The following TACR1 variants were observed in gnomAD, a reference collection of about 807,000 sequenced individuals.
TACR1 encodes tachykinin receptor 1, also known as substance-P receptor.
A neutral mutation model predicts 35.8 loss-of-function variants in TACR1; 25 were observed. That is an observed-to-expected ratio of 0.70 (90% CI 0.51 to 0.98). The LOEUF (loss-of-function observed/expected upper bound fraction) is 0.98. TACR1 is among the 50% of genes least tolerant of loss of function. The pLI is 0.00. For synonymous variants in TACR1, 195 were observed against 206.7 expected, an observed-to-expected ratio of 0.94 and a Z score of 0.48; for missense variants, 478 against 522.9, an observed-to-expected ratio of 0.91 and a Z score of 0.84.
intron 2 of TACR1, among the ~76,000 whole-genome samples, chr2:75,112,023 G>A (rs1188282918): frequency 6.6e-6 from 1 of 151,942 alleles, no homozygotes; most frequent in Non-Finnish European, 1.5e-5. Context: ...TGTGGGCAGC[G>A]GTAGTATAGA....
At chr2:75,055,269 C>T (rs1672547215) in intron 2 of TACR1, among the ~76,000 whole-genome samples, 1 of 152,244 alleles carries the variant, frequency 6.6e-6, no homozygotes, top group Admixed American at 6.5e-5. Context: ...CTCTGCATAT[C>T]AAATTTGCAT....
intron 2 of TACR1, among the ~76,000 whole-genome samples, chr2:75,119,753 A>G (rs934726702): frequency 2.0e-5 from 3 of 152,140 alleles, no homozygotes; most frequent in Non-Finnish European, 2.9e-5. Context: ...TTTCACCTGC[A>G]CATATTCTAT....
At chr2:75,112,342 G>GT (rs1182893390) in intron 2 of TACR1, among the ~76,000 whole-genome samples, 1 of 151,816 alleles carries the variant, frequency 6.6e-6, no homozygotes, top group Non-Finnish European at 1.5e-5. Flanking sequence ...TCTTGAACGA[G>GT]TTTTATCCAT....
At chr2:75,168,653 C>T (rs13428269) in intron 1 of TACR1, among the ~76,000 whole-genome samples, 30,858 of 152,076 alleles carry the variant, frequency 0.2, 3,981 homozygotes, top group African/African-American at 0.36. Flanking sequence ...AACTGTAAGA[C>T]AATACGTTTG....
At chr2:75,051,193 A>T (rs1672460662) in intron 4 of TACR1, 58 bp downstream of exon 4, 1 of 1,610,544 alleles carries the variant, frequency 6.2e-7, no homozygotes, top group Admixed American at 1.7e-5. Flanking sequence ...CCGCTTGGCC[A>T]CTGTGTATGT....
chr2:75,076,087 T>G (rs75027902), intron 2 of TACR1, among the ~76,000 whole-genome samples: 2,567 of 152,362 alleles, frequency 0.017, 26 homozygotes, highest in Non-Finnish European at 0.028. Context: ...TATTCTGTCC[T>G]TTCTTATTTT....
intron 3 of TACR1, 137 bp downstream of exon 3, chr2:75,053,468 C>G: frequency 1.8e-6 from 2 of 1,137,568 alleles, no homozygotes; most frequent in Non-Finnish European, 2.3e-6. Flanking sequence ...AGAAAGATTC[C>G]TCTCCTCCTC....
intron 1 of TACR1, among the ~76,000 whole-genome samples, chr2:75,167,800 A>C (rs1392670583): frequency 6.6e-6 from 1 of 152,216 alleles, no homozygotes; most frequent in Non-Finnish European, 1.5e-5. Flanking sequence ...TGTATCTTAT[A>C]GTAAAAGAGT....
chr2:75,179,511 T>C (rs780492281), intron 1 of TACR1, among the ~76,000 whole-genome samples: 8 of 152,188 alleles, frequency 5.3e-5, no homozygotes, highest in Non-Finnish European at 1.2e-4. Flanking sequence ...TTGCTTCTTA[T>C]CATGCATAGA....
chr2:75,057,788 G>T (rs559682532), intron 2 of TACR1, among the ~76,000 whole-genome samples: 1 of 152,132 alleles, frequency 6.6e-6, no homozygotes, highest in South Asian at 2.1e-4. Context: ...CAGAAAGGTC[G>T]AAATGAAGTA....
chr2:75,091,098 A>G (rs949046429), intron 2 of TACR1, among the ~76,000 whole-genome samples: 1 of 147,680 alleles, frequency 6.8e-6, no homozygotes, highest in Admixed American at 7.0e-5. Context: ...CATCAATTCT[A>G]CCTCCTTCTG....
At chr2:75,156,419 T>G (rs974405322) in intron 1 of TACR1, 69 of 128,716 alleles carry the variant, frequency 5.4e-4, no homozygotes, top group Non-Finnish European at 3.8e-4. Context: ...ACCGAGACCA[T>G]CCTTACCAAA....
At chr2:75,057,599 T>C (rs1672593974) in intron 2 of TACR1, among the ~76,000 whole-genome samples, 1 of 152,268 alleles carries the variant, frequency 6.6e-6, no homozygotes. Context: ...ATTGCAGGAT[T>C]GCATTTATAT....
intron 2 of TACR1, among the ~76,000 whole-genome samples, chr2:75,059,088 A>G (rs1672622578): frequency 6.6e-6 from 1 of 152,096 alleles, no homozygotes; most frequent in African/African-American, 2.4e-5. Flanking sequence ...TGTGGATGAT[A>G]TTGTTTCGGG....
intron 2 of TACR1, among the ~76,000 whole-genome samples, chr2:75,062,229 A>G (rs1426740171): frequency 6.6e-6 from 1 of 152,086 alleles, no homozygotes; most frequent in African/African-American, 2.4e-5. Context: ...TCTTTAATAG[A>G]TAGGTTTCTC....
intron 2 of TACR1, among the ~76,000 whole-genome samples, chr2:75,060,966 G>A (rs903326388): frequency 6.6e-6 from 1 of 152,154 alleles, no homozygotes; most frequent in South Asian, 2.1e-4. Flanking sequence ...ACTAGTGTGG[G>A]GACCCAGGGA....
chr2:75,179,490 T>C (rs971826130), intron 1 of TACR1, among the ~76,000 whole-genome samples: 1 of 152,194 alleles, frequency 6.6e-6, no homozygotes, highest in African/African-American at 2.4e-5. Flanking sequence ...TCCCTGCTAA[T>C]AATCCTCAGA....
At chr2:75,076,301 A>T (rs1672974836) in intron 2 of TACR1, among the ~76,000 whole-genome samples, 1 of 152,188 alleles carries the variant, frequency 6.6e-6, no homozygotes, top group Admixed American at 6.5e-5. Context: ...GTCCCAGGAG[A>T]ATCCATCACC....
intron 4 of TACR1, among the ~76,000 whole-genome samples, chr2:75,050,856 G>A (rs1198359358): frequency 1.3e-5 from 2 of 152,196 alleles, no homozygotes; most frequent in Admixed American, 1.3e-4. Flanking sequence ...TGCATAGCCC[G>A]CTGTGTACTG....
Sources: allele counts gnomAD v4.1 joint callset (sites outside exome capture counted in the v4.1 genomes callset), GRCh38; gene constraint gnomAD v4.1.1; transcripts MANE v1.5; gene names NCBI Gene and HGNC (gene_info 2026-07-23, HGNC 2026-07-21).